ENKUR: variants seen among roughly 807,000 people sequenced by gnomAD.
ENKUR encodes enkurin.
A neutral mutation model predicts 27.6 loss-of-function variants in ENKUR; 19 were observed. The ratio of observed to expected loss-of-function variants is 0.69; its 90% confidence interval spans 0.48 to 1.01. The LOEUF is 1.01. Ranked by LOEUF, ENKUR falls within the 50% of genes least tolerant of loss-of-function variation. The probability of loss-of-function intolerance (pLI) is 0.00; values close to 1 mark genes in which losing one functional copy is unlikely to be tolerated. For synonymous variants in ENKUR, 117 were observed against 96.9 expected, an observed-to-expected ratio of 1.21 and a Z score of -1.22; for missense variants, 312 against 310.5, an observed-to-expected ratio of 1.00 and a Z score of -0.04.
chr10:25,027,386 A>AAAAAAAAAAAC, intron 2 of ENKUR, among the ~76,000 whole-genome samples: 1 of 144,028 alleles, frequency 6.9e-6, no homozygotes, highest in Non-Finnish European at 1.5e-5. Flanking sequence ...AAAAAAAAAA[A>AAAAAAAAAAAC]ACTAGCCAGG....
rs188534433 is a variant in ENKUR at position 25,059,235 on chromosome 10, C to T, written c.37+1877G>A. Among the ~76,000 whole-genome samples, 1,439 of 150,302 alleles carry T rather than the reference C, an allele frequency of 9.6e-3. 14 individuals are homozygous for T. The highest frequency in any genetic ancestry group is 0.015 in the Non-Finnish European group (997 of 67,756). On this transcript the variant is annotated intron_variant, in intron 2 of 5. Transcript: ENST00000615958. ...GCAACCTCTGCCTCCCAGGTTCAAGCGATTCTCTTGCCTCAGCCTCCAAGT... is the reference window on the plus strand; with the variant it reads ...GCAACCTCTGCCTCCCAGGTTCAAGTGATTCTCTTGCCTCAGCCTCCAAGT...
intron 2 of ENKUR, among the ~76,000 whole-genome samples, chr10:25,051,625 A>T (rs1851186950): frequency 6.6e-6 from 1 of 152,206 alleles, no homozygotes; most frequent in Non-Finnish European, 1.5e-5. Context: ...CACCAAGCAG[A>T]TGGTGCTAAA....
At chr10:25,050,954 T>C (rs189819887) in intron 2 of ENKUR, among the ~76,000 whole-genome samples, 1 of 152,350 alleles carries the variant, frequency 6.6e-6, no homozygotes, top group East Asian at 1.9e-4. Flanking sequence ...AAATGTGGTA[T>C]AAAAAATTTG....
At chr10:25,054,016 G>T (rs1378517777) in intron 2 of ENKUR, among the ~76,000 whole-genome samples, 1 of 152,120 alleles carries the variant, frequency 6.6e-6, no homozygotes, top group Non-Finnish European at 1.5e-5. Context: ...GTCACTACTG[G>T]TTGGGTAACT....
intron 2 of ENKUR, among the ~76,000 whole-genome samples, chr10:25,057,284 A>C (rs530154953): frequency 6.6e-6 from 1 of 152,036 alleles, no homozygotes; most frequent in Non-Finnish European, 1.5e-5. Flanking sequence ...GTAATGAGAT[A>C]GAAGAAATAA....
intron 2 of ENKUR, among the ~76,000 whole-genome samples, chr10:25,043,969 C>T (rs763339010): frequency 2.0e-5 from 3 of 151,674 alleles, no homozygotes; most frequent in Non-Finnish European, 2.9e-5. Flanking sequence ...TATCCATACC[C>T]ATTGCAGTCC....
chr10:25,035,795 C>T (rs1851000889), intron 2 of ENKUR, among the ~76,000 whole-genome samples: 1 of 152,132 alleles, frequency 6.6e-6, no homozygotes, highest in African/African-American at 2.4e-5. Flanking sequence ...ATAAAGAATG[C>T]CTCTTTAATG....
chr10:25,047,600 G>A (rs1369410365), intron 2 of ENKUR, among the ~76,000 whole-genome samples: 1 of 152,130 alleles, frequency 6.6e-6, no homozygotes, highest in Non-Finnish European at 1.5e-5. Context: ...CAAAGCACAA[G>A]TCTAGGTAAT....
chr10:25,054,073 C>T (rs754456450), intron 2 of ENKUR, among the ~76,000 whole-genome samples: 18 of 152,186 alleles, frequency 1.2e-4, no homozygotes, highest in Admixed American at 1.3e-4. Context: ...TTCCTGACTG[C>T]AAACGTAATG....
At chr10:25,030,765 C>T (rs1032180335) in intron 2 of ENKUR, among the ~76,000 whole-genome samples, 14 of 152,074 alleles carry the variant, frequency 9.2e-5, no homozygotes, top group Admixed American at 3.3e-4. Flanking sequence ...TCTCAAACTC[C>T]TATTTTAGGG....
At chr10:24,988,980 T>C (rs1018391074) in intron 4 of ENKUR, among the ~76,000 whole-genome samples, 2 of 151,776 alleles carry the variant, frequency 1.3e-5, no homozygotes, top group African/African-American at 4.8e-5. Flanking sequence ...AGTGGATGAT[T>C]TGCTATCATC....
intron 3 of ENKUR, among the ~76,000 whole-genome samples, chr10:24,994,160 T>A (rs1849988765): frequency 6.6e-6 from 1 of 152,180 alleles, no homozygotes; most frequent in African/African-American, 2.4e-5. Flanking sequence ...GGTAGATCAC[T>A]GGACTCTTCA....
chr10:25,003,356 A>C (rs991703314), intron 1 of ENKUR, among the ~76,000 whole-genome samples: 1 of 151,942 alleles, frequency 6.6e-6, no homozygotes, highest in Admixed American at 6.6e-5. Flanking sequence ...ACAGGCATGC[A>C]CCGCCATGCC....
chr10:24,997,985 A>T (rs1463740415), intron 2 of ENKUR, among the ~76,000 whole-genome samples: 1 of 152,162 alleles, frequency 6.6e-6, no homozygotes, highest in East Asian at 1.9e-4. Flanking sequence ...ACAACAGGCC[A>T]AGACTAGAGG....
chr10:25,031,454 T>C (rs1850934377), intron 2 of ENKUR, among the ~76,000 whole-genome samples: 1 of 151,980 alleles, frequency 6.6e-6, no homozygotes, highest in East Asian at 1.9e-4. Context: ...ACCAGGTGAG[T>C]GTAGCAAAAG....
intron 2 of ENKUR, among the ~76,000 whole-genome samples, chr10:25,051,285 C>G (rs576264300): frequency 7.9e-5 from 12 of 152,254 alleles, no homozygotes; most frequent in Middle Eastern, 3.4e-3. Context: ...AAATGCAAAC[C>G]CTCCTTGGAG....
upstream of ENKUR, among the ~76,000 whole-genome samples, chr10:25,018,975 G>T (rs1202202945): frequency 6.6e-6 from 1 of 152,190 alleles, no homozygotes; most frequent in East Asian, 1.9e-4. Context: ...AACTATACTG[G>T]ATTGTGTGGT....
chr10:24,984,095 T>C lies in ENKUR; in HGVS notation c.*275A>G, dbSNP rs190630512. ...GGCTATTCTCCTTAATCATCCTCAA[T>C]GATGCCTTTATAAGTTGTCATCTTG... On this transcript the variant is annotated 3_prime_UTR_variant, in exon 6 of 6. Coordinates refer to ENST00000331161, the MANE Select transcript of ENKUR (RefSeq NM_145010.4). The C allele has an allele frequency of 6.1e-4, 228 of 373,210 alleles. No individual in the cohort carries two copies. The highest frequency in any genetic ancestry group is 4.4e-3 in the African/African-American group (212 of 48,498). 23.1% of individuals were successfully genotyped at this position (373,210 alleles called of 1,614,324 possible).
At chr10:24,988,336 G>GTA (rs551356092) in intron 4 of ENKUR, among the ~76,000 whole-genome samples, 1 of 139,810 alleles carries the variant, frequency 7.2e-6, no homozygotes, top group African/African-American at 2.6e-5. Context: ...TTATATATGT[G>GTA]TATATATATA....
Sources: allele counts gnomAD v4.1 joint callset (sites outside exome capture counted in the v4.1 genomes callset), GRCh38; gene constraint gnomAD v4.1.1; transcripts MANE v1.5; gene names NCBI Gene and HGNC (gene_info 2026-07-23, HGNC 2026-07-21).